Variants in KLHL29 observed in about 807,000 individuals in gnomAD.
The protein encoded by KLHL29 is kelch-like protein 29.
A neutral mutation model predicts 80.4 loss-of-function variants in KLHL29; 21 were observed. That is an observed-to-expected ratio of 0.26 (90% CI 0.19 to 0.38). The LOEUF is 0.38. KLHL29 is among the 10% of genes least tolerant of loss of function. The probability of loss-of-function intolerance (pLI) is 1.00; values close to 1 mark genes in which losing one functional copy is unlikely to be tolerated. For missense variants in KLHL29, 867 were observed against 1,223.9 expected, an observed-to-expected ratio of 0.71 and a Z score of 4.35; for synonymous variants, 511 against 526.8, an observed-to-expected ratio of 0.97 and a Z score of 0.41.
At chr2:23,555,130 CCT>C (rs1553338295) in intron 2 of KLHL29, among the ~76,000 whole-genome samples, 22,152 of 150,748 alleles carry the variant, frequency 0.15, 2,317 homozygotes, top group African/African-American at 0.28. Flanking sequence ...TCCCCCCCCC[CCT>C]CAACTTGTGT....
chr2:23,474,612 C>T (rs1366203740), intron 1 of KLHL29, among the ~76,000 whole-genome samples: 2 of 152,220 alleles, frequency 1.3e-5, no homozygotes, highest in Non-Finnish European at 2.9e-5. Context: ...ATATGGATCA[C>T]GTGCATCTCT....
chr2:23,597,383 G>GTGTGTATA (rs1444343783), intron 3 of KLHL29, among the ~76,000 whole-genome samples: 1 of 23,588 alleles, frequency 4.2e-5, no homozygotes, highest in African/African-American at 1.4e-4. Context: ...GTGTGTGTGT[G>GTGTGTATA]TATATATATA....
At chr2:23,604,491 G>A (rs1019738158) in intron 3 of KLHL29, among the ~76,000 whole-genome samples, 6 of 152,214 alleles carry the variant, frequency 3.9e-5, no homozygotes, top group Admixed American at 2.0e-4. Flanking sequence ...GTCACAGGGG[G>A]AGAGACTTGA....
chr2:23,703,220 G>C lies in KLHL29; in HGVS notation c.2140G>C (p.Ala714Pro), dbSNP rs373265062. 1 of 1,474,094 alleles carries C rather than the reference G, an allele frequency of 6.8e-7. No individual in the cohort carries two copies. Among genetic ancestry groups the C allele is most frequent in the South Asian group, 1.4e-5 (1 of 72,866 alleles). 91.3% of individuals were successfully genotyped at this position (1,474,094 alleles called of 1,614,324 possible). Residue 714 changes from alanine to proline, a missense_variant, in exon 12 of 14, where the codon GCC (alanine) becomes CCC (proline). Transcript: ENST00000486442. ...CATCACCAACCAATGGGAGGCGGTG[G>C]CCCCTCTGCCCAAGGCAGTACACTC... Reference protein sequence around the residue: ...DTITNQWEAVAPLPKAVHSAA... With the variant: ...DTITNQWEAVPPLPKAVHSAA...
In KLHL29 at chr2:23,527,102, C is replaced by T. The variant is rs907022352; in HGVS notation, c.-45-35050C>T. ...AGCCTCAACCAGGAGAACTGGGCGA[C>T]GGTGGCCATGTTGGCCCATTCTGAA... On this transcript the variant is annotated intron_variant, in intron 2 of 13. Transcript: ENST00000486442. 3.3e-5 allele frequency among the ~76,000 whole-genome samples: 5 copies of T among 152,282 alleles called. 1 individual carries two copies. The highest frequency in any genetic ancestry group is 4.1e-4 in the South Asian group (2 of 4,832).
intron 2 of KLHL29, among the ~76,000 whole-genome samples, chr2:23,502,261 G>A (rs1266026504): frequency 2.0e-5 from 3 of 152,242 alleles, no homozygotes; most frequent in Non-Finnish European, 4.4e-5. Flanking sequence ...CCGAGCAGGA[G>A]GACTCCAGAT....
rs1671034631 is a variant in KLHL29 at position 23,680,124 on chromosome 2, C to A, written c.941-4275C>A. On this transcript the variant is annotated intron_variant, in intron 5 of 13. Transcript: ENST00000486442. The surrounding 1 kb of genome is among the most constrained non-coding windows in gnomAD (Gnocchi z 4.1). ...GACAGGCTGGAAACAGGGAGACATC[C>A]TCAGAGGCTGTTGCAGTGACTCAAG... Among the ~76,000 whole-genome samples the A allele has an allele frequency of 6.6e-6, 1 of 152,158 alleles. No individual in the cohort carries two copies.
intron 1 of KLHL29, among the ~76,000 whole-genome samples, chr2:23,430,396 A>G (rs529331604): frequency 1.6e-4 from 25 of 152,374 alleles, no homozygotes; most frequent in African/African-American, 4.3e-4. Flanking sequence ...TTGGCTTCAC[A>G]CAGATCACTT....
chr2:23,536,887 ATC>A (rs1303596825), intron 2 of KLHL29, among the ~76,000 whole-genome samples: 1 of 100,436 alleles, frequency 1.0e-5, no homozygotes, highest in African/African-American at 5.0e-5. Context: ...CGAAAGACAG[ATC>A]TCACACACAC....
chr2:23,540,149 C>T (rs1666789620), intron 2 of KLHL29, among the ~76,000 whole-genome samples: 1 of 152,176 alleles, frequency 6.6e-6, no homozygotes, highest in South Asian at 2.1e-4. Context: ...TCTTCTGTGT[C>T]CAGGCTCCCG....
At chr2:23,406,344 G>GAA (rs1302111003) in intron 1 of KLHL29, among the ~76,000 whole-genome samples, 1 of 56,192 alleles carries the variant, frequency 1.8e-5, no homozygotes, top group African/African-American at 4.3e-5. Context: ...AAAAAAAAAA[G>GAA]AAAAGAAAAC....
chr2:23,703,849 T>A lies in KLHL29; in HGVS notation c.2430T>A (p.Ser810=). The change falls in exon 13 of 14, where the codon TCT becomes TCA. Residue 810 remains serine, a synonymous_variant. Transcript: ENST00000486442. ...AGGCGGGCCCAAACATGAACCACTCTCGCCAGTTCTGCAGGTGAGAGGCTG... is the reference window on the plus strand; with the variant it reads ...AGGCGGGCCCAAACATGAACCACTCACGCCAGTTCTGCAGGTGAGAGGCTG... ...NIKAGPNMNH[S]RQFCSAVVLD... 1.3e-6 allele frequency: 2 copies of A among 1,536,912 alleles called. No individual in the cohort carries two copies. Among genetic ancestry groups the A allele is most frequent in the Non-Finnish European group, 1.7e-6 (2 of 1,146,682 alleles).
rs1483757667 is a variant in KLHL29 at position 23,562,236 on chromosome 2, G to C, written c.40G>C (p.Val14Leu). The C allele has an allele frequency of 1.9e-6, 3 of 1,550,674 alleles. No homozygotes were observed. The highest frequency in any genetic ancestry group is 4.9e-5 in the East Asian group (2 of 40,904). Residue 14 changes from valine (V) to leucine (L), a missense_variant, in exon 3 of 14, where the codon GTG becomes CTG. Around this residue, in one of 2 missense-constraint regions of KLHL29, gnomAD observed 424 missense variants for 456.9 expected, o/e 0.93. Transcript: ENST00000486442. This position sits in a 1 kb window ranked among gnomAD's most constrained non-coding sequence, Gnocchi z 4.5. ...HHSRFERDYR[V>L]GWDRREWSVN... Reference sequence around the variant, plus strand: ...TAGCCGCTTCGAAAGAGATTACCGGGTGGGCTGGGACCGCCGCGAATGGAG... The same window carrying C: ...TAGCCGCTTCGAAAGAGATTACCGGCTGGGCTGGGACCGCCGCGAATGGAG...
chr2:23,524,685 G>T (rs986092954), intron 2 of KLHL29, among the ~76,000 whole-genome samples: 1 of 152,226 alleles, frequency 6.6e-6, no homozygotes, highest in Non-Finnish European at 1.5e-5. Flanking sequence ...TGCTGGCCTT[G>T]CCACCCTTTC....
chr2:23,624,629 C>T (rs1428697180), intron 3 of KLHL29, among the ~76,000 whole-genome samples: 1 of 152,206 alleles, frequency 6.6e-6, no homozygotes, highest in East Asian at 1.9e-4. Flanking sequence ...AATTAGGATC[C>T]AGCCTGCTTT....
intron 3 of KLHL29, among the ~76,000 whole-genome samples, chr2:23,587,677 C>T (rs554207592): frequency 2.2e-4 from 34 of 152,286 alleles, no homozygotes; most frequent in African/African-American, 7.7e-4. Context: ...TGCGCTGTGT[C>T]CTCCACGGCG....
intron 3 of KLHL29, among the ~76,000 whole-genome samples, chr2:23,599,163 T>C (rs1668504960): frequency 1.3e-5 from 2 of 152,204 alleles, no homozygotes; most frequent in Non-Finnish European, 2.9e-5. Flanking sequence ...CGCAGAATCA[T>C]CTGAAGCCTG....
chr2:23,632,238 T>C (rs1188378472), intron 3 of KLHL29, among the ~76,000 whole-genome samples: 1 of 152,254 alleles, frequency 6.6e-6, no homozygotes, highest in Non-Finnish European at 1.5e-5. Flanking sequence ...TATAAACCTA[T>C]GAGCTGTCAT....
chr2:23,505,995 C>G (rs1665587097), intron 2 of KLHL29, among the ~76,000 whole-genome samples: 1 of 152,220 alleles, frequency 6.6e-6, no homozygotes, highest in African/African-American at 2.4e-5. Flanking sequence ...CTCCCCCGAT[C>G]ATGCAGCCCA....
Sources: allele counts gnomAD v4.1 joint callset (sites outside exome capture counted in the v4.1 genomes callset), GRCh38; gene constraint gnomAD v4.1.1; regional missense constraint gnomAD v4.1.1; non-coding constraint Gnocchi (gnomAD v3.1); transcripts MANE v1.5; gene names NCBI Gene and HGNC (gene_info 2026-07-23, HGNC 2026-07-21).